The following EIF2AK3 variants were observed in gnomAD, a reference collection of about 807,000 sequenced individuals.
EIF2AK3 encodes eukaryotic translation initiation factor 2 alpha kinase 3.
In EIF2AK3, 50 loss-of-function variants were observed where a neutral mutation model predicts 113.5. That is an observed-to-expected ratio of 0.44 (90% CI 0.35 to 0.56). EIF2AK3 has a LOEUF of 0.56. Ranked by LOEUF, EIF2AK3 falls within the 20% of genes least tolerant of loss-of-function variation. EIF2AK3 has a pLI of 0.00. For missense variants in EIF2AK3, 1,185 were observed against 1,378.0 expected (o/e 0.86, Z 2.22); for synonymous variants, 448 against 495.4 (o/e 0.90, Z 1.27).
chr2:88,622,720 G>A (rs959066627), intron 1 of EIF2AK3, among the ~76,000 whole-genome samples: 1 of 152,146 alleles, frequency 6.6e-6, no homozygotes, highest in Non-Finnish European at 1.5e-5. Context: ...AATAGGAATA[G>A]GACTATATGA....
intron 2 of EIF2AK3, among the ~76,000 whole-genome samples, chr2:88,611,586 C>T (rs1022423253): frequency 4.0e-5 from 6 of 151,880 alleles, no homozygotes; most frequent in African/African-American, 4.8e-5. Context: ...GCATGAAAAG[C>T]GACCAGTGAG....
chr2:88,624,537 T>C (rs562906957), intron 1 of EIF2AK3, among the ~76,000 whole-genome samples: 1 of 152,304 alleles, frequency 6.6e-6, no homozygotes, highest in African/African-American at 2.4e-5. Flanking sequence ...GCCAGCTGTA[T>C]TTCTGTCTCC....
At chr2:88,574,281 T>C (rs1029357902) in intron 13 of EIF2AK3, among the ~76,000 whole-genome samples, 35 of 152,168 alleles carry the variant, frequency 2.3e-4, no homozygotes, top group Admixed American at 7.2e-4. Flanking sequence ...CCTGGAGGTA[T>C]TGGTGTCAGG....
chr2:88,590,532 G>C lies in EIF2AK3; in HGVS notation c.1076C>G (p.Thr359Arg), dbSNP rs1310368926. Residue 359 changes from threonine to arginine, a missense_variant, in exon 6 of 17, where the codon ACA becomes AGA. Physicochemically the swap from Thr to Arg is moderately conservative, Grantham distance 71. This residue lies in a region of EIF2AK3 where 877 missense variants were observed against 1,024.2 expected (regional missense o/e 0.86). Transcript: ENST00000303236. ...AACATCATCATTAGATGTATAACTT[G>C]TATCATCAAAAAGACTGATGGGAAT... The part of the protein sequence containing the change: ...KVIPISLFDD[T>R]SYTSNDDVLE... 1.2e-6 allele frequency: 2 copies of C among 1,613,636 alleles called. No homozygotes were observed. Among genetic ancestry groups the C allele is most frequent in the Middle Eastern group, 1.7e-4 (1 of 5,982 alleles).
intron 10 of EIF2AK3, chr2:88,579,895 C>G (rs565866803): frequency 2.5e-6 from 1 of 397,006 alleles, no homozygotes; most frequent in African/African-American, 2.1e-5. Flanking sequence ...TTGTTAATCA[C>G]TTTTTCTTAC....
At chr2:88,616,392 A>G (rs1475958614) in intron 1 of EIF2AK3, among the ~76,000 whole-genome samples, 1 of 152,098 alleles carries the variant, frequency 6.6e-6, no homozygotes, top group Non-Finnish European at 1.5e-5. Flanking sequence ...ACCTCCAGCT[A>G]CAGAGCAGAC....
At chr2:88,583,322 A>G in intron 10 of EIF2AK3, 108 bp downstream of exon 10, 1 of 791,116 alleles carries the variant, frequency 1.3e-6, no homozygotes, top group South Asian at 1.5e-5. Flanking sequence ...TTGAGGGTTA[A>G]GCCTATGTTT....
chr2:88,563,879 A>G (rs1160940620), intron 14 of EIF2AK3, among the ~76,000 whole-genome samples: 2 of 152,210 alleles, frequency 1.3e-5, no homozygotes, highest in African/African-American at 4.8e-5. Flanking sequence ...AAAGGAAATA[A>G]CTGCTGTTAA....
chr2:88,583,404 A>G, intron 10 of EIF2AK3, 26 bp downstream of exon 10: 2 of 1,547,254 alleles, frequency 1.3e-6, no homozygotes, highest in Non-Finnish European at 1.8e-6. Flanking sequence ...TTTGATTCAG[A>G]TGGTTGTATT....
Position 88,595,593 on chromosome 2 carries a change from C to G in EIF2AK3, c.509G>C (p.Ser170Thr), listed in dbSNP as rs752167830. The change falls in exon 3 of 17, where the codon AGC (serine) becomes ACC (threonine). Residue 170 changes from serine (S) to threonine (T), a missense_variant. Ser to Thr is a moderately conservative substitution (Grantham distance 58). This residue lies in a region of EIF2AK3 where 119 missense variants were observed against 178.7 expected (regional missense o/e 0.67). Coordinates refer to ENST00000303236, the MANE Select transcript of EIF2AK3 (RefSeq NM_004836.7). ...AACTGTGAAAGGAACTGTTTCCATG[C>G]TTTCACGGTCTTGGTCCCACTGGAA... ...ALFQWDQDRE[S>T]METVPFTVES... 6.2e-7 allele frequency: 1 copy of G among 1,613,964 alleles called. No individual in the cohort carries two copies. Among genetic ancestry groups the G allele is most frequent in the Non-Finnish European group, 8.5e-7 (1 of 1,179,960 alleles).
intron 9 of EIF2AK3, among the ~76,000 whole-genome samples, chr2:88,583,853 C>G (rs1394038229): frequency 6.6e-6 from 1 of 151,804 alleles, no homozygotes; most frequent in Non-Finnish European, 1.5e-5. Context: ...AACTCCTGGG[C>G]AAGACTAGAG....
At chr2:88,574,505 TTCTTG>T in intron 13 of EIF2AK3, 156 bp downstream of exon 13, 1 of 798,800 alleles carries the variant, frequency 1.3e-6, no homozygotes. Flanking sequence ...AGACTTCTTA[TTCTTG>T]CAGCAGGCCC....
At chr2:88,583,329 GT>G in intron 10 of EIF2AK3, 100 bp downstream of exon 10, 2 of 857,646 alleles carry the variant, frequency 2.3e-6, no homozygotes, top group Non-Finnish European at 3.8e-6. Flanking sequence ...TTAAGCCTAT[GT>G]TTTATTTTTC....
chr2:88,607,662 C>A lies in EIF2AK3; in HGVS notation c.438+6062G>T, dbSNP rs578243918. 2.0e-5 allele frequency among the ~76,000 whole-genome samples: 3 copies of A among 152,310 alleles called. No individual in the cohort carries two copies. The East Asian group carries it at 5.8e-4, about 29-fold the overall frequency. ...TTCCATTGACGTAATCAAAATCCCA[C>A]TAAAGCAACAAAATACACTATTCTG... On this transcript the variant is annotated intron_variant, in intron 2 of 16. Coordinates refer to ENST00000303236, the MANE Select transcript of EIF2AK3 (RefSeq NM_004836.7).
intron 4 of EIF2AK3, among the ~76,000 whole-genome samples, chr2:88,591,575 G>C (rs1324790498): frequency 6.6e-6 from 1 of 152,102 alleles, no homozygotes; most frequent in Non-Finnish European, 1.5e-5. Flanking sequence ...CCCAATCTTG[G>C]ATCTCCACTG....
chr2:88,590,400 G>T (rs759960857), intron 6 of EIF2AK3, 43 bp downstream of exon 6: 1 of 1,602,798 alleles, frequency 6.2e-7, no homozygotes, highest in East Asian at 2.2e-5. Context: ...AGAAAATCTA[G>T]ATGTCAATGT....
rs1348239308 is a variant in EIF2AK3 at position 88,626,906 on chromosome 2, C to A, written c.308+61G>T. The A allele has an allele frequency of 6.9e-6, 11 of 1,592,348 alleles. No homozygotes were observed. The Admixed American group carries it at 1.9e-4, about 27-fold the overall frequency. Reference sequence around the variant, plus strand: ...GTCCCGGATCTCCGCCCCCCTACACCGCATCCTCCGCGGCTCGCGCGCGTA... The same window carrying A: ...GTCCCGGATCTCCGCCCCCCTACACAGCATCCTCCGCGGCTCGCGCGCGTA... On this transcript the variant is annotated intron_variant, in intron 1 of 16. Transcript: ENST00000303236.
intron 1 of EIF2AK3, among the ~76,000 whole-genome samples, chr2:88,625,863 A>G (rs535287785): frequency 3.9e-5 from 6 of 152,338 alleles, no homozygotes; most frequent in South Asian, 4.1e-4. Flanking sequence ...ACAAATGTTT[A>G]TATATTCAAA....
chr2:88,598,938 G>C (rs973186116), intron 2 of EIF2AK3, among the ~76,000 whole-genome samples: 4 of 152,056 alleles, frequency 2.6e-5, no homozygotes, highest in Non-Finnish European at 5.9e-5. Context: ...GGGGAGAAGA[G>C]TGAGAGTGGG....
Sources: gnomAD v4.1 joint callset for allele counts (sites outside exome capture counted in the v4.1 genomes callset) on GRCh38, gnomAD v4.1.1 for gene constraint, gnomAD v4.1.1 regional missense constraint, MANE v1.5 for transcripts, NCBI Gene and HGNC (gene_info 2026-07-23, HGNC 2026-07-21) for gene names.